Variants in CCDC81 observed in about 807,000 individuals in gnomAD.
The protein encoded by CCDC81 is coiled-coil domain-containing protein 81.
In CCDC81, 79 loss-of-function variants were observed where a neutral mutation model predicts 83.7. That is an observed-to-expected ratio of 0.94 (90% CI 0.79 to 1.14). The LOEUF is 1.14. Ranked by LOEUF, CCDC81 falls within the 50% of genes most tolerant of loss-of-function variation. The probability of loss-of-function intolerance (pLI) is 0.00; values close to 1 mark genes in which losing one functional copy is unlikely to be tolerated. For missense variants in CCDC81, 791 were observed against 778.1 expected, an observed-to-expected ratio of 1.02 and a Z score of -0.20; for synonymous variants, 252 against 278.1, an observed-to-expected ratio of 0.91 and a Z score of 0.93.
intron 14 of CCDC81, among the ~76,000 whole-genome samples, chr11:86,422,330 G>C (rs926683658): frequency 5.3e-5 from 8 of 152,206 alleles, no homozygotes; most frequent in African/African-American, 1.9e-4. Context: ...GGGTGGTTGA[G>C]GCTGGGGAGG....
intron 3 of CCDC81, among the ~76,000 whole-genome samples, chr11:86,388,208 C>CCCTCCTTT (rs1164637011): frequency 4.3e-5 from 6 of 138,122 alleles, no homozygotes; most frequent in African/African-American, 1.7e-4. Context: ...TTCCCTCCTT[C>CCCTCCTTT]CCTCCTTCCT....
At chr11:86,412,339 T>C (rs1301912873) in intron 10 of CCDC81, 48 bp from the exon 11 acceptor site, 4 of 1,372,904 alleles carry the variant, frequency 2.9e-6, no homozygotes, top group Non-Finnish European at 4.0e-6. Flanking sequence ...TTATTAACCT[T>C]GTTTTTCAGT....
intron 5 of CCDC81, 65 bp downstream of exon 5, chr11:86,395,478 T>C (rs1487235415): frequency 1.6e-6 from 2 of 1,242,812 alleles, no homozygotes; most frequent in African/African-American, 3.0e-5. Context: ...CTGATCTCAT[T>C]GGGCAGTGTT....
chr11:86,389,291 C>A (rs1406571560), intron 3 of CCDC81, among the ~76,000 whole-genome samples: 2 of 151,562 alleles, frequency 1.3e-5, no homozygotes, highest in Non-Finnish European at 1.5e-5. Context: ...ATTTAAAACC[C>A]CCAAAGAAAA....
intron 13 of CCDC81, among the ~76,000 whole-genome samples, chr11:86,416,081 C>G (rs1231996760): frequency 6.6e-6 from 1 of 152,148 alleles, no homozygotes; most frequent in African/African-American, 2.4e-5. Context: ...TTTCATGTGC[C>G]TATTTGCCAT....
At chr11:86,386,150 A>G in intron 2 of CCDC81, 38 bp downstream of exon 2, 1 of 792,974 alleles carries the variant, frequency 1.3e-6, no homozygotes, top group Non-Finnish European at 1.7e-6. Context: ...TAATAAATTA[A>G]TTTATTAATT....
intron 3 of CCDC81, among the ~76,000 whole-genome samples, chr11:86,390,962 C>T (rs1565760465): frequency 1.3e-5 from 2 of 151,964 alleles, no homozygotes; most frequent in African/African-American, 2.4e-5. Context: ...ATATACTCAG[C>T]AGAAGAGATA....
chr11:86,418,218 G>A (rs994934399), intron 13 of CCDC81, among the ~76,000 whole-genome samples: 3 of 152,050 alleles, frequency 2.0e-5, no homozygotes, highest in East Asian at 1.9e-4. Context: ...AAAATAACAC[G>A]CGTTAGTGAG....
intron 10 of CCDC81, 68 bp from the exon 11 acceptor site, chr11:86,412,319 G>C: frequency 8.4e-7 from 1 of 1,189,748 alleles, no homozygotes; most frequent in Admixed American, 2.3e-5. Context: ...ATTTATCTTA[G>C]TCTTCTGAAT....
intron 1 of CCDC81, among the ~76,000 whole-genome samples, chr11:86,382,133 G>A (rs981397561): frequency 6.6e-6 from 1 of 152,150 alleles, no homozygotes; most frequent in Non-Finnish European, 1.5e-5. Context: ...TTTATGTTAA[G>A]CCTGATGGGA....
chr11:86,400,205 T>G (rs956845920), intron 6 of CCDC81, among the ~76,000 whole-genome samples: 3 of 152,160 alleles, frequency 2.0e-5, no homozygotes, highest in Admixed American at 6.5e-5. Flanking sequence ...TGTCCTAAGT[T>G]GTTATTTATT....
intron 14 of CCDC81, 102 bp downstream of exon 14, chr11:86,420,155 T>C (rs553779554): frequency 5.1e-6 from 7 of 1,382,790 alleles, no homozygotes; most frequent in South Asian, 4.2e-5. Flanking sequence ...CTAGAGAACC[T>C]TGTGGAGAAA....
intron 6 of CCDC81, among the ~76,000 whole-genome samples, chr11:86,398,718 G>A (rs902374446): frequency 2.0e-5 from 3 of 151,950 alleles, no homozygotes; most frequent in East Asian, 3.9e-4. Flanking sequence ...GACTACAGGC[G>A]CGCACCACCA....
intron 6 of CCDC81, among the ~76,000 whole-genome samples, chr11:86,399,865 G>A (rs1167842960): frequency 6.6e-6 from 1 of 151,780 alleles, no homozygotes; most frequent in Non-Finnish European, 1.5e-5. Flanking sequence ...GCTCACGCCT[G>A]TAATCCCAGC....
At chr11:86,420,135 C>T in intron 14 of CCDC81, 82 bp downstream of exon 14, 1 of 1,498,944 alleles carries the variant, frequency 6.7e-7, no homozygotes, top group Non-Finnish European at 9.0e-7. Context: ...ACTTGATTAG[C>T]AGTGGCTGCC....
Position 86,387,674 on chromosome 11 carries a change from T to C in CCDC81, c.298+2T>C. The C allele has an allele frequency of 2.5e-6, 4 of 1,585,486 alleles. No individual in the cohort carries two copies. The highest frequency in any genetic ancestry group is 2.7e-5 in the African/African-American group (2 of 73,786). ...AACAAAACAAAGTATATACTCCTGG[T>C]AAATAATTCTGATATGTAGGATTTT... On this transcript the variant is annotated splice_donor_variant, in intron 3 of 14. Coordinates refer to ENST00000445632, the MANE Select transcript of CCDC81 (RefSeq NM_001156474.2). LOFTEE classifies it high-confidence loss of function.
intron 3 of CCDC81, among the ~76,000 whole-genome samples, chr11:86,388,363 C>T (rs556715162): frequency 2.6e-5 from 4 of 152,252 alleles, no homozygotes; most frequent in Admixed American, 6.5e-5. Context: ...GTGTGGGCTT[C>T]GTAACACCTC....
At position 86,409,307 on chromosome 11, in the gene CCDC81, A is replaced by G; in HGVS notation, c.1160A>G (p.Tyr387Cys). 6.5e-7 allele frequency: 1 copy of G among 1,544,838 alleles called. No individual in the cohort carries two copies. Among genetic ancestry groups the G allele is most frequent in the Non-Finnish European group, 8.7e-7 (1 of 1,149,068 alleles). Residue 387 changes from tyrosine (Y) to cysteine (C), a missense_variant, in exon 10 of 15, where the codon TAT (tyrosine) becomes TGT (cysteine). By Grantham distance (194) the Tyr-to-Cys change is radical (BLOSUM62 -2). Coordinates refer to ENST00000445632, the MANE Select transcript of CCDC81 (RefSeq NM_001156474.2). ...GAACAGAATCAGAAAAATGCTGCCT[A>G]TAATCTTGGAGTTGCTGAAGCTATA... is the stretch of plus-strand genomic sequence containing the variant. ...TREQNQKNAA[Y>C]NLGVAEAIRN...
chr11:86,375,348 T>G, intron 1 of CCDC81, 106 bp downstream of exon 1: 2 of 976,790 alleles, frequency 2.0e-6, no homozygotes, highest in South Asian at 1.5e-5. Context: ...AGGCCTGGCC[T>G]GCCGTGGCTA....
Sources: gnomAD v4.1 joint callset for allele counts (sites outside exome capture counted in the v4.1 genomes callset) on GRCh38, gnomAD v4.1.1 for gene constraint, MANE v1.5 for transcripts, NCBI Gene and HGNC (gene_info 2026-07-23, HGNC 2026-07-21) for gene names.